Variants in ANO4 observed in about 807,000 individuals in gnomAD.
ANO4 encodes the protein anoctamin 4, also known as anoctamin-4.
In ANO4, 69 loss-of-function variants were observed where a neutral mutation model predicts 141.9. The ratio of observed to expected loss-of-function variants is 0.49; its 90% CI spans 0.40 to 0.59. ANO4 has a LOEUF of 0.59. Ranked by LOEUF, ANO4 falls within the 20% of genes least tolerant of loss-of-function variation. ANO4 has a pLI of 0.00. For missense variants in ANO4, 894 were observed against 1,162.2 expected (o/e 0.77, Z 3.36); for synonymous variants, 350 against 394.3 (o/e 0.89, Z 1.33).
intron 1 of ANO4, among the ~76,000 whole-genome samples, chr12:100,828,706 G>A (rs1033382780): frequency 6.6e-6 from 1 of 151,986 alleles, no homozygotes; most frequent in African/African-American, 2.4e-5. Flanking sequence ...GGAAGGTGGA[G>A]ATAGAAATAC....
intron 14 of ANO4, among the ~76,000 whole-genome samples, chr12:101,067,278 G>A (rs1180900579): frequency 6.6e-6 from 1 of 152,186 alleles, no homozygotes; most frequent in Admixed American, 6.5e-5. Context: ...TATAAACAGT[G>A]TAATGACTTT....
In ANO4 at chr12:100,976,063, C is replaced by T. The variant is rs182516556; in HGVS notation, c.602+1174C>T. ...AGGGGAATGCATCAATGATGATGTC[C>T]TCTAATTTGATTCTGTTGTGATCAT... On this transcript the variant is annotated intron_variant, in intron 7 of 27. Coordinates refer to ENST00000392977, the MANE Select transcript of ANO4 (RefSeq NM_001286615.2). Among the ~76,000 whole-genome samples, 435 of 151,932 alleles carry T rather than the reference C, an allele frequency of 2.9e-3. 3 individuals carry two copies. Among genetic ancestry groups the T allele is most frequent in the African/African-American group, 0.01 (415 of 41,422 alleles).
At chr12:100,907,941 T>C (rs2040920836) in intron 2 of ANO4, among the ~76,000 whole-genome samples, 1 of 152,222 alleles carries the variant, frequency 6.6e-6, no homozygotes, top group African/African-American at 2.4e-5. Flanking sequence ...TGATATCCTG[T>C]GTTGATATTA....
At chr12:101,111,122 G>T (rs535628066) in intron 23 of ANO4, among the ~76,000 whole-genome samples, 1 of 152,334 alleles carries the variant, frequency 6.6e-6, no homozygotes, top group African/African-American at 2.4e-5. Context: ...GGATGTTATT[G>T]TTAATGACGT....
chr12:101,068,971 G>T, intron 14 of ANO4: 1 of 786,320 alleles, frequency 1.3e-6, no homozygotes, highest in South Asian at 1.3e-5. Flanking sequence ...AGCCCTCATT[G>T]ACTATGAAAA....
intron 3 of ANO4, among the ~76,000 whole-genome samples, chr12:100,758,305 A>G (rs1193529273): frequency 6.6e-6 from 1 of 152,194 alleles, no homozygotes; most frequent in Non-Finnish European, 1.5e-5. Context: ...AATGCTTGCC[A>G]TGTGACTGGT....
In ANO4 at chr12:100,953,430, C is replaced by T. The variant is rs75716349; in HGVS notation, c.456+10895C>T. 4.2e-3 allele frequency among the ~76,000 whole-genome samples: 634 copies of T among 152,280 alleles called. 4 individuals are homozygous for T. Among genetic ancestry groups the T allele is most frequent in the Non-Finnish European group, 7.0e-3 (473 of 68,026 alleles). On this transcript the variant is annotated intron_variant, in intron 5 of 27. Transcript: ENST00000392977. The stretch of plus-strand genomic sequence containing the variant: ...AATTGAACTTGACATACCTTAGTTG[C>T]AAAAATGATGATGCAGCACTGCCTC...
chr12:100,727,273 C>T (rs116853873), intron 1 of ANO4, among the ~76,000 whole-genome samples: 1,895 of 152,228 alleles, frequency 0.012, 22 homozygotes, highest in Non-Finnish European at 0.02. Context: ...TAAAATCATT[C>T]TTCTCATGGT....
Position 101,079,193 on chromosome 12 carries a change from C to T in ANO4, c.1313C>T (p.Ala438Val). The T allele has an allele frequency of 1.2e-6, 2 of 1,613,180 alleles. No individual in the cohort carries two copies. The highest frequency in any genetic ancestry group is 1.7e-6 in the Non-Finnish European group (2 of 1,179,230). Residue 438 changes from alanine (A) to valine (V), a missense_variant and splice_region_variant, in exon 15 of 28, where the codon GCA becomes GTA. Ala to Val is a moderately conservative substitution (Grantham distance 64). This residue lies in a region of ANO4 where 637 missense variants were observed against 909.2 expected (regional missense o/e 0.70). Coordinates refer to ENST00000392977, the MANE Select transcript of ANO4 (RefSeq NM_001286615.2). ...VFFAVFMAVW[A>V]TVFLEFWKRR... is the part of the protein sequence containing the mutation. ...CTTTGTCTTTCTCTGCTTGTTCCAG[C>T]AACAGTTTTCCTGGAGTTTTGGAAA...
chr12:100,826,259 CAG>C (rs988253964), intron 1 of ANO4, among the ~76,000 whole-genome samples: 2 of 149,750 alleles, frequency 1.3e-5, no homozygotes, highest in Non-Finnish European at 3.0e-5. Flanking sequence ...TGTTTAAAGA[CAG>C]ATAAATAAAT....
rs557969936 is a variant in ANO4, at chr12:100,784,671, C to T, written c.358+44566C>T. ...AATAAATCTAAAATGGGAGGATCCTCCAAAGGAAAAAGGAAGAATTCTTGT... is the reference window on the plus strand; with the variant it reads ...AATAAATCTAAAATGGGAGGATCCTTCAAAGGAAAAAGGAAGAATTCTTGT... On this transcript the variant is annotated intron_variant, in intron 3 of 29. Coordinates refer to the ANO4 transcript ENST00000644049. Among the ~76,000 whole-genome samples the T allele has an allele frequency of 2.0e-5, 3 of 152,242 alleles. No homozygotes were observed. The South Asian group carries it at 6.2e-4, about 32-fold the overall frequency.
At chr12:100,870,051 A>G (rs749337051) in intron 1 of ANO4, among the ~76,000 whole-genome samples, 33 of 152,344 alleles carry the variant, frequency 2.2e-4, no homozygotes, top group Admixed American at 7.2e-4. Flanking sequence ...TCTCAATAGA[A>G]AACAGAATGC....
intron 14 of ANO4, chr12:101,068,877 T>C: frequency 1.1e-6 from 1 of 889,090 alleles, no homozygotes; most frequent in South Asian, 1.3e-5. Flanking sequence ...TCTCATCAGA[T>C]GAAGATTTAA....
intron 6 of ANO4, among the ~76,000 whole-genome samples, chr12:100,971,822 G>A (rs757022406): frequency 6.6e-6 from 1 of 151,382 alleles, no homozygotes. Flanking sequence ...AGATACAAGT[G>A]CAAGAAATTT....
chr12:100,807,746 C>T (rs1404832496), intron 1 of ANO4, among the ~76,000 whole-genome samples: 1 of 152,156 alleles, frequency 6.6e-6, no homozygotes, highest in Non-Finnish European at 1.5e-5. Flanking sequence ...TGTTGTTCCT[C>T]ATAGTGTGTC....
chr12:100,746,688 G>A (rs181258655), intron 3 of ANO4, among the ~76,000 whole-genome samples: 6 of 152,270 alleles, frequency 3.9e-5, no homozygotes, highest in Middle Eastern at 6.8e-3. Context: ...ACATGCACAA[G>A]ACGTGGTCCC....
At chr12:101,107,220 T>A (rs2050483976) in intron 22 of ANO4, among the ~76,000 whole-genome samples, 1 of 152,202 alleles carries the variant, frequency 6.6e-6, no homozygotes, top group South Asian at 2.1e-4. Flanking sequence ...TTCTTTGTGT[T>A]CTGGCCTTCG....
chr12:100,887,523 T>C (rs962981179), intron 1 of ANO4, among the ~76,000 whole-genome samples: 19 of 152,132 alleles, frequency 1.2e-4, no homozygotes, highest in Middle Eastern at 3.4e-3. Flanking sequence ...TTCTTTCTTT[T>C]TTTTTTTTCT....
intron 14 of ANO4, among the ~76,000 whole-genome samples, chr12:101,073,263 T>C (rs974570175): frequency 1.3e-5 from 2 of 152,088 alleles, no homozygotes; most frequent in African/African-American, 4.8e-5. Context: ...TGAGTTCATG[T>C]CCTTTACAAG....
Sources: allele counts gnomAD v4.1 joint callset (sites outside exome capture counted in the v4.1 genomes callset), GRCh38; gene constraint gnomAD v4.1.1; regional missense constraint gnomAD v4.1.1; transcripts MANE v1.5; gene names NCBI Gene and HGNC (gene_info 2026-07-23, HGNC 2026-07-21).